PIR: variants seen among roughly 807,000 people sequenced by gnomAD.
PIR encodes pirin (iron-binding nuclear protein).
In PIR, 22 loss-of-function variants were observed where a neutral mutation model predicts 24.2. That is an observed-to-expected ratio of 0.91 (90% CI 0.65 to 1.30). The LOEUF (loss-of-function observed/expected upper bound fraction) is 1.30, where lower values mean the gene tolerates loss of function less well. Among genes scored for constraint, PIR ranks in the 50% most tolerant of loss-of-function variants. The probability of loss-of-function intolerance (pLI) is 0.00; values close to 1 mark genes in which losing one functional copy is unlikely to be tolerated. For synonymous variants in PIR, 80 were observed against 79.6 expected (o/e 1.00, Z -0.03); for missense variants, 220 against 220.3 (o/e 1.00, Z 0.01).
intron 5 of PIR, among the ~76,000 whole-genome samples, chrX:15,436,010 A>C (rs1011613891): frequency 1.8e-5 from 2 of 112,376 alleles, no homozygotes; most frequent in African/African-American, 6.5e-5. Flanking sequence ...GGAAGGATTA[A>C]AACTCTGTAA....
At chrX:15,426,017 G>A (rs776946260) in intron 5 of PIR, 27 bp from the exon 6 acceptor site, 2 of 995,522 alleles carry the variant, frequency 2.0e-6, no homozygotes, top group South Asian at 1.9e-5. Context: ...AACCATCAGT[G>A]TTTTTTTCTA....
chrX:15,396,829 C>T (rs991764518), intron 8 of PIR, among the ~76,000 whole-genome samples: 1 of 110,489 alleles, frequency 9.1e-6, no homozygotes, highest in South Asian at 3.9e-4. Context: ...CAAGCTCCAC[C>T]TCCCGGGTTC....
At chrX:15,462,293 C>T (rs1921335475) in intron 3 of PIR, among the ~76,000 whole-genome samples, 1 of 112,048 alleles carries the variant, frequency 8.9e-6, no homozygotes, top group African/African-American at 3.2e-5. Flanking sequence ...TATAATTTAG[C>T]ACTTAAAGCG....
intron 6 of PIR, among the ~76,000 whole-genome samples, chrX:15,412,569 C>T (rs1017015661): frequency 2.7e-5 from 3 of 111,896 alleles, no homozygotes; most frequent in Admixed American, 9.5e-5. Flanking sequence ...TTTCTACACG[C>T]GTAAATTGCA....
intron 7 of PIR, among the ~76,000 whole-genome samples, chrX:15,406,227 TGAG>T (rs901891735): frequency 9.8e-5 from 11 of 112,218 alleles, no homozygotes; most frequent in African/African-American, 3.6e-4. Context: ...TCTGTGGGGA[TGAG>T]GAGGAGAAAA....
At chrX:15,408,341 C>T (rs1472622150) in intron 6 of PIR, among the ~76,000 whole-genome samples, 1 of 111,294 alleles carries the variant, frequency 9.0e-6, no homozygotes, top group Non-Finnish European at 1.9e-5. Context: ...TTATTCTATC[C>T]TAACAGAATA....
At chrX:15,388,583 A>G (rs1923850517) in intron 9 of PIR, among the ~76,000 whole-genome samples, 1 of 112,533 alleles carries the variant, frequency 8.9e-6, no homozygotes, top group Non-Finnish European at 1.9e-5. Flanking sequence ...ATTCTATGCA[A>G]GCATCCATTA....
rs766078711 is a variant in PIR at position 15,475,627 on chromosome X, G to C, written c.189+4102C>G. Among the ~76,000 whole-genome samples the C allele has an allele frequency of 4.5e-5, 5 of 112,028 alleles. 1 individual carries two copies. The South Asian group carries it at 1.9e-3, about 42-fold the overall frequency. On this transcript the variant is annotated intron_variant, in intron 3 of 9. Coordinates refer to ENST00000380420, the MANE Select transcript of PIR (RefSeq NM_001018109.3). The stretch of plus-strand genomic sequence containing the variant: ...GGTGAGAGGTTCATCAACGGAGTCC[G>C]ATCTATAAGTACCTCCTTTTTCGAG...
At chrX:15,477,158 C>T (rs1314062102) in intron 3 of PIR, among the ~76,000 whole-genome samples, 1 of 111,509 alleles carries the variant, frequency 9.0e-6, no homozygotes, top group African/African-American at 3.3e-5. Context: ...TTAGAAAATG[C>T]TCCAGGGAGG....
chrX:15,456,035 C>T lies in PIR; in HGVS notation c.293G>A (p.Gly98Asp), dbSNP rs778749014. Residue 98 changes from glycine (G) to aspartate (D), a missense_variant, in exon 5 of 10, where the codon GGC (glycine) becomes GAC (aspartate). Gly to Asp is a moderately conservative substitution (Grantham distance 94). Coordinates refer to ENST00000380420, the MANE Select transcript of PIR (RefSeq NM_001018109.3). ...GCAAGGCATCTCAGCGTGCAGAATG[C>T]CCCGGCCCGCAGTCATCCACTGCAA... is the stretch of plus-strand genomic sequence containing the variant. ...GDLQWMTAGR[G>D]ILHAEMPCSE... 1 of 1,210,094 alleles carries T rather than the reference C, an allele frequency of 8.3e-7. No homozygotes were observed.
chrX:15,469,759 G>A (rs1429763572), intron 3 of PIR, among the ~76,000 whole-genome samples: 2 of 111,440 alleles, frequency 1.8e-5, no homozygotes, highest in African/African-American at 6.5e-5. Flanking sequence ...CAGTGTTGCA[G>A]CTATAAGAAG....
chrX:15,401,028 C>T (rs769421875), intron 7 of PIR, among the ~76,000 whole-genome samples: 64 of 109,406 alleles, frequency 5.8e-4, no homozygotes, highest in African/African-American at 1.9e-3. Context: ...TGAGCCACCG[C>T]GCCCTGCTGT....
At chrX:15,488,278 C>CAAAAAA (rs1184870069) in intron 2 of PIR, among the ~76,000 whole-genome samples, 8 of 31,851 alleles carry the variant, frequency 2.5e-4, no homozygotes, top group African/African-American at 3.8e-4. Flanking sequence ...AACTCCGTCT[C>CAAAAAA]AAAAAAAAAA....
chrX:15,420,164 T>A lies in PIR; in HGVS notation c.565+5742A>T, dbSNP rs1244389862. Among the ~76,000 whole-genome samples the A allele has an allele frequency of 2.7e-5, 3 of 111,761 alleles. No individual in the cohort carries two copies. In the East Asian group the frequency reaches 8.4e-4, roughly 31 times the overall value. On this transcript the variant is annotated intron_variant, in intron 6 of 9. Coordinates refer to ENST00000380420, the MANE Select transcript of PIR (RefSeq NM_001018109.3). The stretch of plus-strand genomic sequence containing the variant: ...GTGAGCCGCGATCACACCACTGCAC[T>A]TCAGCCTGGGCGACAGAGCAAGACT...
At chrX:15,392,251 A>G (rs1194861507) in intron 8 of PIR, among the ~76,000 whole-genome samples, 1 of 111,917 alleles carries the variant, frequency 8.9e-6, no homozygotes, top group Non-Finnish European at 1.9e-5. Flanking sequence ...ACTAATAGAT[A>G]ACTGAACATT....
intron 5 of PIR, among the ~76,000 whole-genome samples, chrX:15,432,848 T>C (rs1925554990): frequency 1.8e-5 from 2 of 111,570 alleles, no homozygotes; most frequent in Non-Finnish European, 3.8e-5. Context: ...ATAGGTAGAT[T>C]TGAAATAATA....
At chrX:15,447,469 C>T (rs2032435) in intron 5 of PIR, among the ~76,000 whole-genome samples, 27,107 of 110,247 alleles carry the variant, frequency 0.25, 2,691 homozygotes, top group East Asian at 0.51. Flanking sequence ...CACCCACCAC[C>T]ACTCCTGGCT....
At chrX:15,420,369 A>T (rs751056750) in intron 6 of PIR, among the ~76,000 whole-genome samples, 10 of 112,155 alleles carry the variant, frequency 8.9e-5, no homozygotes, top group Middle Eastern at 4.6e-3. Context: ...GCAAAAATGA[A>T]CATGAACCAT....
intron 8 of PIR, among the ~76,000 whole-genome samples, chrX:15,396,186 T>A (rs761662266): frequency 4.9e-4 from 55 of 112,210 alleles, no homozygotes; most frequent in Non-Finnish European, 6.8e-4. Flanking sequence ...GACATTTTTG[T>A]CGGTCAAAAG....
Sources: allele counts gnomAD v4.1 joint callset (sites outside exome capture counted in the v4.1 genomes callset), GRCh38; gene constraint gnomAD v4.1.1; transcripts MANE v1.5; gene names NCBI Gene and HGNC (gene_info 2026-07-23, HGNC 2026-07-21).